Variants in ARHGAP24 observed in about 807,000 individuals in gnomAD.
ARHGAP24 encodes the protein Rho GTPase activating protein 24.
Under a neutral mutation model 76.4 loss-of-function variants are expected in ARHGAP24, and 50 were observed. That is an observed-to-expected ratio of 0.65 (90% confidence interval 0.52 to 0.83). The LOEUF is 0.83. ARHGAP24 is among the 40% of genes least tolerant of loss of function. The pLI, the probability that ARHGAP24 is intolerant of heterozygous loss-of-function variation, is 0.00. For synonymous variants in ARHGAP24, 345 were observed against 323.3 expected, an observed-to-expected ratio of 1.07 and a Z score of -0.72; for missense variants, 930 against 914.2, an observed-to-expected ratio of 1.02 and a Z score of -0.22.
rs760771816 is a variant in ARHGAP24 at position 85,995,027 on chromosome 4, A to G, written c.1373A>G (p.Gln458Arg). Residue 458 changes from glutamine to arginine, a missense_variant, in exon 9 of 10, where the codon CAG (glutamine) becomes CGG (arginine). Coordinates refer to ENST00000395184, the MANE Select transcript of ARHGAP24 (RefSeq NM_001025616.3). The stretch of plus-strand genomic sequence containing the variant: ...CAAACCACCCCCAATGGGAGCCTAC[A>G]GGCCAGAAGGAGCTCTTCACTGAAG... The part of the protein sequence containing the change: ...KTQTTPNGSL[Q>R]ARRSSSLKVS... 3 of 1,614,124 alleles carry G rather than the reference A, an allele frequency of 1.9e-6. No individual in the cohort carries two copies. The South Asian group carries it at 3.3e-5, about 18-fold the overall frequency.
At chr4:85,719,283 C>T (rs929366088) in intron 2 of ARHGAP24, among the ~76,000 whole-genome samples, 24 of 151,962 alleles carry the variant, frequency 1.6e-4, no homozygotes, top group Non-Finnish European at 3.1e-4. Context: ...GATCTATAGG[C>T]CAGAGAAAAC....
At chr4:85,667,909 T>G (rs920134691) in intron 2 of ARHGAP24, among the ~76,000 whole-genome samples, 2 of 152,230 alleles carry the variant, frequency 1.3e-5, no homozygotes, top group Non-Finnish European at 2.9e-5. Context: ...GAAATACACT[T>G]AAATTGAGCG....
At chr4:85,899,741 T>A (rs1013162404) in intron 3 of ARHGAP24, among the ~76,000 whole-genome samples, 1 of 152,204 alleles carries the variant, frequency 6.6e-6, no homozygotes, top group South Asian at 2.1e-4. Context: ...ATCTGTATTA[T>A]GTAATAGCAT....
intron 3 of ARHGAP24, among the ~76,000 whole-genome samples, chr4:85,809,258 T>C (rs1440591726): frequency 6.6e-6 from 1 of 152,196 alleles, no homozygotes; most frequent in Non-Finnish European, 1.5e-5. Flanking sequence ...TTTTATATTA[T>C]GTACTAAAAT....
rs140457659 is a variant in ARHGAP24 at position 85,923,958 on chromosome 4, A to G, written c.391+188A>G. Among the ~76,000 whole-genome samples the G allele has an allele frequency of 8.5e-5, 13 of 152,330 alleles. No individual in the cohort carries two copies. The East Asian group carries it at 2.5e-3, about 29-fold the overall frequency. On this transcript the variant is annotated intron_variant, in intron 4 of 9. Coordinates refer to ENST00000395184, the MANE Select transcript of ARHGAP24 (RefSeq NM_001025616.3). Reference sequence around the variant, plus strand: ...CCTACAAGTTTAATTTAGATCATGTATAATTATAACGAACCTTCTTCTGTG... The same window carrying G: ...CCTACAAGTTTAATTTAGATCATGTGTAATTATAACGAACCTTCTTCTGTG...
chr4:85,674,760 GTAAACCT>G (rs1578130832), intron 2 of ARHGAP24, among the ~76,000 whole-genome samples: 2 of 152,296 alleles, frequency 1.3e-5, no homozygotes, highest in Middle Eastern at 6.8e-3. Flanking sequence ...GATTAACCTT[GTAAACCT>G]TGAACTAATT....
At chr4:85,749,191 A>C (rs759316778) in intron 3 of ARHGAP24, among the ~76,000 whole-genome samples, 1 of 152,178 alleles carries the variant, frequency 6.6e-6, no homozygotes, top group Non-Finnish European at 1.5e-5. Flanking sequence ...TCATTTGCCG[A>C]AGGTAGATTC....
chr4:85,847,115 A>G (rs345327), intron 3 of ARHGAP24, among the ~76,000 whole-genome samples: 138,594 of 152,214 alleles, frequency 0.91, 63,432 homozygotes, highest in Non-Finnish European at 0.97. Context: ...ACAAATTCAA[A>G]TCAGTAAATT....
At chr4:85,882,477 TC>T (rs1733314228) in intron 3 of ARHGAP24, among the ~76,000 whole-genome samples, 1 of 152,258 alleles carries the variant, frequency 6.6e-6, no homozygotes, top group South Asian at 2.1e-4. Flanking sequence ...AAATCTGACT[TC>T]CGGCTCTGCT....
At chr4:85,615,128 G>A (rs990881006) in intron 2 of ARHGAP24, among the ~76,000 whole-genome samples, 5 of 151,948 alleles carry the variant, frequency 3.3e-5, no homozygotes, top group South Asian at 2.1e-4. Flanking sequence ...TATATCAGGT[G>A]TATATTTGCT....
At chr4:85,772,175 C>T (rs1267467005) in intron 3 of ARHGAP24, among the ~76,000 whole-genome samples, 7 of 152,186 alleles carry the variant, frequency 4.6e-5, no homozygotes, top group Admixed American at 4.6e-4. Flanking sequence ...CCCGTGACCT[C>T]GTTCTTGATA....
At chr4:85,830,662 A>G (rs1010190555) in intron 3 of ARHGAP24, among the ~76,000 whole-genome samples, 4 of 152,202 alleles carry the variant, frequency 2.6e-5, no homozygotes, top group African/African-American at 4.8e-5. Flanking sequence ...ATGGGCACTC[A>G]CACAACTTTT....
At chr4:85,778,755 C>A (rs1727406952) in intron 3 of ARHGAP24, 2 of 985,170 alleles carry the variant, frequency 2.0e-6, no homozygotes, top group Admixed American at 1.2e-4. Context: ...AGAAAATTAG[C>A]TACAGGAAGA....
At chr4:85,743,882 T>A (rs1333657958) in intron 3 of ARHGAP24, among the ~76,000 whole-genome samples, 3 of 152,184 alleles carry the variant, frequency 2.0e-5, no homozygotes, top group African/African-American at 7.2e-5. Flanking sequence ...ACTACTAAGT[T>A]GTAGCATATA....
chr4:85,790,768 G>T lies in ARHGAP24; in HGVS notation c.268+68796G>T, dbSNP rs142068255. Among the ~76,000 whole-genome samples the T allele has an allele frequency of 8.5e-5, 13 of 152,280 alleles. No homozygotes were observed. In the East Asian group the frequency reaches 2.5e-3, roughly 29 times the overall value. On this transcript the variant is annotated intron_variant, in intron 3 of 9. Coordinates refer to ENST00000395184, the MANE Select transcript of ARHGAP24 (RefSeq NM_001025616.3). ...TGTAGTATAAATGGTATTTTCAAATGCTTAGTTCTCCAGATTTTCCATGGC... is the reference window on the plus strand; with the variant it reads ...TGTAGTATAAATGGTATTTTCAAATTCTTAGTTCTCCAGATTTTCCATGGC...
intron 1 of ARHGAP24, among the ~76,000 whole-genome samples, chr4:85,491,645 A>T (rs1723361417): frequency 6.6e-6 from 1 of 152,108 alleles, no homozygotes; most frequent in Admixed American, 6.5e-5. Flanking sequence ...GGGACTTGGA[A>T]CTGATGGTTT....
intron 5 of ARHGAP24, among the ~76,000 whole-genome samples, chr4:85,970,830 CTT>C (rs145777778): frequency 0.045 from 6,897 of 152,192 alleles, 527 homozygotes; most frequent in African/African-American, 0.16. Flanking sequence ...TCCTTTCAGA[CTT>C]TTGCTTATTC....
At chr4:85,501,251 G>C (rs1336639861) in intron 1 of ARHGAP24, among the ~76,000 whole-genome samples, 1 of 152,148 alleles carries the variant, frequency 6.6e-6, no homozygotes, top group Non-Finnish European at 1.5e-5. Context: ...GTAATGGGAT[G>C]GCTGGGTCAA....
chr4:85,888,045 C>A (rs1733663555), intron 3 of ARHGAP24, among the ~76,000 whole-genome samples: 1 of 151,984 alleles, frequency 6.6e-6, no homozygotes, highest in Admixed American at 6.6e-5. Flanking sequence ...CCTATGACCT[C>A]AGAAATTCAA....
Sources: gnomAD v4.1 joint callset for allele counts (sites outside exome capture counted in the v4.1 genomes callset) on GRCh38, gnomAD v4.1.1 for gene constraint, MANE v1.5 for transcripts, NCBI Gene and HGNC (gene_info 2026-07-23, HGNC 2026-07-21) for gene names.